The following DGLUCY variants were observed in gnomAD, a reference collection of about 807,000 sequenced individuals.
DGLUCY encodes the protein D-glutamate cyclase, mitochondrial.
In DGLUCY, 58 loss-of-function variants were observed where a neutral mutation model predicts 58.5. That is an observed-to-expected ratio of 0.99 (90% CI 0.80 to 1.23). The LOEUF is 1.23. DGLUCY is among the 50% of genes most tolerant of loss of function. The pLI, the probability that DGLUCY is intolerant of heterozygous loss-of-function variation, is 0.00. For synonymous variants in DGLUCY, 325 were observed against 314.1 expected, an observed-to-expected ratio of 1.03 and a Z score of -0.37; for missense variants, 779 against 784.7, an observed-to-expected ratio of 0.99 and a Z score of 0.09.
chr14:91,077,578 C>T (rs913991494), intron 1 of DGLUCY, among the ~76,000 whole-genome samples: 1 of 151,508 alleles, frequency 6.6e-6, no homozygotes, highest in East Asian at 1.9e-4. Flanking sequence ...ATGGTGAAAC[C>T]CCGTCTCTAT....
chr14:91,094,096 A>C (rs904487871), intron 1 of DGLUCY, among the ~76,000 whole-genome samples: 1 of 152,152 alleles, frequency 6.6e-6, no homozygotes, highest in African/African-American at 2.4e-5. Flanking sequence ...AAACGAGTGC[A>C]TCTTATGTTA....
intron 12 of DGLUCY, among the ~76,000 whole-genome samples, chr14:91,208,974 A>G (rs978185852): frequency 2.6e-5 from 4 of 152,218 alleles, no homozygotes; most frequent in African/African-American, 9.6e-5. Flanking sequence ...AAATAGAATC[A>G]TATAAAATAC....
chr14:91,111,511 G>A (rs1205678743), upstream of DGLUCY, among the ~76,000 whole-genome samples: 1 of 152,100 alleles, frequency 6.6e-6, no homozygotes, highest in Admixed American at 6.5e-5. Flanking sequence ...TCAATCTCCT[G>A]ACCTTGTGAT....
rs555439229 is a variant in DGLUCY, at chr14:91,087,753, G to A, written c.-82+27049G>A. The stretch of plus-strand genomic sequence containing the variant: ...AACTGGGCACAGCAGTAGGGTGGAC[G>A]CGTCAGGTTATAAATGACCCTGTCT... On this transcript the variant is annotated intron_variant, in intron 1 of 4. Transcript: ENST00000521334. Among the ~76,000 whole-genome samples, 15 of 152,284 alleles carry A rather than the reference G, an allele frequency of 9.9e-5. No homozygotes were observed. In the South Asian group the frequency reaches 2.3e-3, roughly 23 times the overall value.
At position 91,167,255 on chromosome 14, in the gene DGLUCY, C is replaced by G. The variant is rs2048334202; in HGVS notation, c.134C>G (p.Pro45Arg). ...CGACCAGCCAGCCTGGTGGTCCTGC[C>G]CAGGTCCCTTGCTCCAGCTTTTGAA... ...ELRPASLVVL[P>R]RSLAPAFERF... Residue 45 changes from proline to arginine, a missense_variant, in exon 4 of 14, where the codon CCC becomes CGC. Physicochemically the swap from Pro to Arg is moderately radical, Grantham distance 103. Coordinates refer to ENST00000256324, the MANE Select transcript of DGLUCY (RefSeq NM_001102368.3). 6.2e-7 allele frequency: 1 copy of G among 1,611,194 alleles called. No homozygotes were observed. Among genetic ancestry groups the G allele is most frequent in the Non-Finnish European group, 8.5e-7 (1 of 1,179,276 alleles).
chr14:91,173,286 C>A lies in DGLUCY; in HGVS notation c.457-3C>A. 6.3e-7 allele frequency: 1 copy of A among 1,579,706 alleles called. No homozygotes were observed. The highest frequency in any genetic ancestry group is 8.6e-7 in the Non-Finnish European group (1 of 1,167,984). On this transcript the variant is annotated splice_polypyrimidine_tract_variant and splice_region_variant and intron_variant, in intron 5 of 13. Transcript: ENST00000256324. ...CACTTGATTTTTTTTTTTTTTTGGTCAGACAACAGTGCCTTGTGTTACCCA... is the reference window on the plus strand; with the variant it reads ...CACTTGATTTTTTTTTTTTTTTGGTAAGACAACAGTGCCTTGTGTTACCCA...
At chr14:91,076,540 G>A (rs1277795969) in intron 1 of DGLUCY, among the ~76,000 whole-genome samples, 3 of 152,136 alleles carry the variant, frequency 2.0e-5, no homozygotes, top group African/African-American at 4.8e-5. Flanking sequence ...GCCACTGTGT[G>A]TGCAATAGTG....
intron 1 of DGLUCY, among the ~76,000 whole-genome samples, chr14:91,062,704 G>A (rs1035880468): frequency 5.3e-5 from 8 of 150,664 alleles, no homozygotes; most frequent in African/African-American, 2.0e-4. Flanking sequence ...TTCGACTGCT[G>A]TGAAAGACAA....
chr14:91,204,857 G>A (rs780594292), intron 12 of DGLUCY, 32 bp downstream of exon 12: 14 of 1,612,970 alleles, frequency 8.7e-6, no homozygotes, highest in African/African-American at 2.7e-5. Flanking sequence ...CAGTCCGGCC[G>A]GCTACCCAGG....
chr14:91,061,335 T>C (rs1239033401), intron 1 of DGLUCY, among the ~76,000 whole-genome samples: 1 of 152,230 alleles, frequency 6.6e-6, no homozygotes, highest in East Asian at 1.9e-4. Context: ...TGAGGAATTT[T>C]ACGAAGGAGA....
At chr14:91,215,821 A>G in intron 13 of DGLUCY, 3 of 1,191,952 alleles carry the variant, frequency 2.5e-6, no homozygotes, top group South Asian at 1.6e-5. Context: ...TCTGAGCCTC[A>G]TTTTCTTCAT....
chr14:91,158,061 A>G (rs116610316), intron 2 of DGLUCY, among the ~76,000 whole-genome samples: 2,415 of 152,218 alleles, frequency 0.016, 68 homozygotes, highest in African/African-American at 0.055. Flanking sequence ...ATTCCCCACA[A>G]GGTTATGGAA....
intron 3 of DGLUCY, among the ~76,000 whole-genome samples, chr14:91,164,998 C>T (rs2048197523): frequency 6.6e-6 from 1 of 152,206 alleles, no homozygotes; most frequent in Non-Finnish European, 1.5e-5. Flanking sequence ...AGCCAAAAAC[C>T]TTAGATGCCT....
chr14:91,127,829 T>C (rs1434986788), intron 1 of DGLUCY, among the ~76,000 whole-genome samples: 1 of 152,302 alleles, frequency 6.6e-6, no homozygotes, highest in Admixed American at 6.5e-5. Flanking sequence ...CTTCCCTGCT[T>C]TCAGAAAGGT....
chr14:91,167,147 A>G, intron 3 of DGLUCY, 78 bp from the exon 4 acceptor site: 1 of 1,497,368 alleles, frequency 6.7e-7, no homozygotes, highest in Middle Eastern at 2.5e-4. Flanking sequence ...CTCAAAAAAA[A>G]AAAAAAGAAA....
intron 1 of DGLUCY, among the ~76,000 whole-genome samples, chr14:91,066,387 A>C (rs1235827350): frequency 8.1e-6 from 1 of 123,626 alleles, no homozygotes; most frequent in East Asian, 2.2e-4. Flanking sequence ...GAAAAAAAAA[A>C]GAAAAAAAAA....
rs199758139 is a variant in DGLUCY at position 91,199,910 on chromosome 14, G to A, written c.1444+5G>A. 2.1e-5 allele frequency: 34 copies of A among 1,614,000 alleles called. No individual in the cohort carries two copies. In the African/African-American group the frequency reaches 4.1e-4, roughly 20 times the overall value. On this transcript the variant is annotated splice_donor_5th_base_variant and intron_variant, in intron 11 of 13. Transcript: ENST00000256324. ...TTCCTGGAATCTCATCAACTGGTAA[G>A]TATGGAGTACTGGGGATGCACCAAG...
intron 12 of DGLUCY, among the ~76,000 whole-genome samples, chr14:91,210,632 A>C (rs368319865): frequency 3.9e-5 from 6 of 152,342 alleles, no homozygotes; most frequent in African/African-American, 1.4e-4. Context: ...TGTTCATGTC[A>C]ATAGATACAG....
chr14:91,111,200 ATATGTGTGTG>A (rs1313337529), upstream of DGLUCY, among the ~76,000 whole-genome samples: 2,095 of 79,126 alleles, frequency 0.026, 84 homozygotes, highest in African/African-American at 0.062. Flanking sequence ...TTATTTATAT[ATATGTGTGTG>A]TGTGTGTGTG....
Sources: gnomAD v4.1 joint callset for allele counts (sites outside exome capture counted in the v4.1 genomes callset) on GRCh38, gnomAD v4.1.1 for gene constraint, MANE v1.5 for transcripts, NCBI Gene and HGNC (gene_info 2026-07-23, HGNC 2026-07-21) for gene names.